SLMAP: variants seen among roughly 807,000 people sequenced by gnomAD.
SLMAP encodes the protein sarcolemmal membrane-associated protein.
Under a neutral mutation model 128.8 loss-of-function variants are expected in SLMAP, and 44 were observed. That is an observed-to-expected ratio of 0.34 (90% CI 0.27 to 0.44). SLMAP has a LOEUF of 0.44. Among genes scored for constraint, SLMAP ranks in the 20% least tolerant of loss-of-function variants. The probability of loss-of-function intolerance (pLI) is 1.00; values close to 1 mark genes in which losing one functional copy is unlikely to be tolerated. For missense variants in SLMAP, 787 were observed against 985.3 expected, an observed-to-expected ratio of 0.80 and a Z score of 2.69; for synonymous variants, 327 against 348.8, an observed-to-expected ratio of 0.94 and a Z score of 0.70.
intron 2 of SLMAP, among the ~76,000 whole-genome samples, chr3:57,793,144 A>G (rs1267256874): frequency 1.3e-5 from 2 of 152,044 alleles, no homozygotes; most frequent in Admixed American, 6.6e-5. Flanking sequence ...AGAAAACCCA[A>G]AAAATCCTCT....
chr3:57,891,033 G>A (rs2153650765), intron 15 of SLMAP: 1 of 151,960 alleles, frequency 6.6e-6, no homozygotes, highest in African/African-American at 2.4e-5. Context: ...ATATTGTTTT[G>A]GCAAACAGGC....
chr3:57,791,323 G>A (rs1409952822), intron 2 of SLMAP, among the ~76,000 whole-genome samples: 1 of 151,454 alleles, frequency 6.6e-6, no homozygotes, highest in Non-Finnish European at 1.5e-5. Flanking sequence ...CTGCACCACT[G>A]CACTCAAGCC....
chr3:57,821,018 T>C (rs547550686), intron 2 of SLMAP, among the ~76,000 whole-genome samples: 2 of 152,364 alleles, frequency 1.3e-5, no homozygotes, highest in African/African-American at 4.8e-5. Flanking sequence ...TTCAGAAATC[T>C]AATTTACTTT....
At chr3:57,888,917 G>A (rs2095984487) in intron 14 of SLMAP, among the ~76,000 whole-genome samples, 1 of 150,500 alleles carries the variant, frequency 6.6e-6, no homozygotes, top group African/African-American at 2.4e-5. Context: ...TTTTTTTTGA[G>A]ATGGAATCTC....
At chr3:57,918,099 A>G (rs1332491238) in intron 22 of SLMAP, 6 of 152,184 alleles carry the variant, frequency 3.9e-5, no homozygotes, top group African/African-American at 9.7e-5. Context: ...TCTTGCGGAC[A>G]TACTGATTTT....
intron 14 of SLMAP, among the ~76,000 whole-genome samples, chr3:57,885,572 A>G (rs1339668270): frequency 6.8e-6 from 1 of 146,348 alleles, no homozygotes; most frequent in Non-Finnish European, 1.5e-5. Context: ...GGCACCCACC[A>G]CCACGACTGG....
chr3:57,920,791 G>A (rs1264905070), intron 22 of SLMAP, among the ~76,000 whole-genome samples: 1 of 152,072 alleles, frequency 6.6e-6, no homozygotes, highest in Non-Finnish European at 1.5e-5. Flanking sequence ...GAGGTGGGTG[G>A]ATCACTCAAG....
chr3:57,795,569 A>G (rs1282892342), intron 2 of SLMAP, among the ~76,000 whole-genome samples: 1 of 152,102 alleles, frequency 6.6e-6, no homozygotes, highest in Admixed American at 6.5e-5. Context: ...GAAAAATTGG[A>G]TTATCAGTTG....
chr3:57,916,899 A>G lies in SLMAP; in HGVS notation c.2139-7A>G, dbSNP rs1340526672. ...TGAATAACTATCTGTCAATATTTAT[A>G]TTGCAGTTCTCAGAAGCAGAGTTTA... On this transcript the variant is annotated splice_region_variant and splice_polypyrimidine_tract_variant and intron_variant, in intron 21 of 24. Transcript: ENST00000671191. The G allele has an allele frequency of 3.7e-6, 6 of 1,610,050 alleles. No individual in the cohort carries two copies. Among genetic ancestry groups the G allele is most frequent in the South Asian group, 1.1e-5 (1 of 90,864 alleles).
At chr3:57,818,406 C>T (rs1196794050) in intron 2 of SLMAP, among the ~76,000 whole-genome samples, 1 of 152,166 alleles carries the variant, frequency 6.6e-6, no homozygotes, top group African/African-American at 2.4e-5. Flanking sequence ...CCACCCGCCT[C>T]GGCCTCCCAA....
At chr3:57,872,606 C>T (rs902211571) in intron 14 of SLMAP, among the ~76,000 whole-genome samples, 3 of 152,134 alleles carry the variant, frequency 2.0e-5, no homozygotes, top group African/African-American at 7.2e-5. Context: ...ATGACAAGAG[C>T]AAGACTGTAT....
chr3:57,815,714 C>G (rs1274545910), intron 2 of SLMAP, among the ~76,000 whole-genome samples: 1 of 151,666 alleles, frequency 6.6e-6, no homozygotes, highest in Non-Finnish European at 1.5e-5. Flanking sequence ...TCAGACAGTC[C>G]TCCCACCTTA....
intron 24 of SLMAP, among the ~76,000 whole-genome samples, chr3:57,926,718 A>G (rs553350802): frequency 2.1e-4 from 32 of 152,354 alleles, no homozygotes; most frequent in Admixed American, 2.0e-3. Context: ...TGGCTTTATT[A>G]CACTGAACAG....
intron 2 of SLMAP, among the ~76,000 whole-genome samples, chr3:57,822,456 G>C (rs1357677549): frequency 2.0e-5 from 3 of 152,160 alleles, no homozygotes; most frequent in Non-Finnish European, 2.9e-5. Flanking sequence ...GAACTACTGA[G>C]CTCGCATGAA....
At chr3:57,869,039 A>G (rs2095402926) in intron 13 of SLMAP, among the ~76,000 whole-genome samples, 3 of 136,934 alleles carry the variant, frequency 2.2e-5, no homozygotes, top group Admixed American at 8.0e-5. Flanking sequence ...TATATATAAT[A>G]TATATTATAT....
chr3:57,911,129 G>C (rs2096683845), intron 19 of SLMAP, among the ~76,000 whole-genome samples: 1 of 151,950 alleles, frequency 6.6e-6, no homozygotes, highest in Non-Finnish European at 1.5e-5. Flanking sequence ...TTTCCTAAAG[G>C]TTCTGTGACA....
chr3:57,811,389 G>T (rs539384672), intron 2 of SLMAP, among the ~76,000 whole-genome samples: 5 of 152,204 alleles, frequency 3.3e-5, no homozygotes, highest in Admixed American at 1.3e-4. Flanking sequence ...TGTCCTCAAG[G>T]TTAATCCATG....
At chr3:57,887,868 A>G (rs1285119236) in intron 14 of SLMAP, among the ~76,000 whole-genome samples, 1 of 152,184 alleles carries the variant, frequency 6.6e-6, no homozygotes, top group Non-Finnish European at 1.5e-5. Flanking sequence ...GTACTGAGGA[A>G]CAGGATTCAA....
At chr3:57,803,825 A>G (rs191763349) in intron 2 of SLMAP, among the ~76,000 whole-genome samples, 4 of 152,316 alleles carry the variant, frequency 2.6e-5, no homozygotes, top group East Asian at 1.9e-4. Context: ...CTTTAATCCA[A>G]TGACTCACAC....
Sources: gnomAD v4.1 joint callset for allele counts (sites outside exome capture counted in the v4.1 genomes callset) on GRCh38, gnomAD v4.1.1 for gene constraint, MANE v1.5 for transcripts, NCBI Gene and HGNC (gene_info 2026-07-23, HGNC 2026-07-21) for gene names.